INPP4B: variants seen among roughly 807,000 people sequenced by gnomAD.
INPP4B encodes inositol polyphosphate-4-phosphatase type II B, also known as inositol polyphosphate 4-phosphatase type II.
In INPP4B, 55 loss-of-function variants were observed where a neutral mutation model predicts 122.5. That is an observed-to-expected ratio of 0.45 (90% CI 0.36 to 0.56). The LOEUF is 0.56. Among genes scored for constraint, INPP4B ranks in the 20% least tolerant of loss-of-function variants. The pLI is 0.00. For synonymous variants in INPP4B, 403 were observed against 388.7 expected, an observed-to-expected ratio of 1.04 and a Z score of -0.43; for missense variants, 1,000 against 1,097.7, an observed-to-expected ratio of 0.91 and a Z score of 1.26.
intron 1 of INPP4B, among the ~76,000 whole-genome samples, chr4:142,770,749 G>T (rs181005581): frequency 2.0e-5 from 3 of 152,018 alleles, no homozygotes; most frequent in Non-Finnish European, 4.4e-5. Flanking sequence ...CATCTGTGCC[G>T]CATTCTCTGA....
intron 5 of INPP4B, among the ~76,000 whole-genome samples, chr4:142,411,118 T>C (rs1175179662): frequency 1.3e-5 from 2 of 152,342 alleles, no homozygotes; most frequent in African/African-American, 4.8e-5. Context: ...AATTTTCACC[T>C]CTAATGAGGT....
At chr4:142,709,690 TA>T (rs1234021885) in intron 2 of INPP4B, among the ~76,000 whole-genome samples, 1 of 152,184 alleles carries the variant, frequency 6.6e-6, no homozygotes, top group Non-Finnish European at 1.5e-5. Context: ...ATAAGCCAAT[TA>T]AACCTCCTCC....
chr4:142,188,625 G>A (rs1022551401), intron 15 of INPP4B, among the ~76,000 whole-genome samples: 3 of 150,132 alleles, frequency 2.0e-5, no homozygotes, highest in Admixed American at 6.7e-5. Context: ...TCTAAGTGGA[G>A]TCTAGGGATC....
intron 9 of INPP4B, among the ~76,000 whole-genome samples, chr4:142,279,032 T>C (rs1749960162): frequency 6.6e-6 from 1 of 151,858 alleles, no homozygotes; most frequent in East Asian, 1.9e-4. Flanking sequence ...CAATTAGAAA[T>C]TGAAATTTTA....
intron 16 of INPP4B, among the ~76,000 whole-genome samples, chr4:142,165,172 A>G (rs1399356228): frequency 6.6e-6 from 1 of 151,734 alleles, no homozygotes; most frequent in Non-Finnish European, 1.5e-5. Context: ...GCTGAACTCA[A>G]GATTTTGTTG....
intron 2 of INPP4B, among the ~76,000 whole-genome samples, chr4:142,671,589 C>T (rs1344089884): frequency 6.6e-6 from 1 of 151,944 alleles, no homozygotes; most frequent in Non-Finnish European, 1.5e-5. Flanking sequence ...GTCCAGAAAC[C>T]AAGGGATAAA....
At chr4:142,220,392 C>T (rs768304878) in intron 12 of INPP4B, among the ~76,000 whole-genome samples, 6 of 152,128 alleles carry the variant, frequency 3.9e-5, no homozygotes, top group African/African-American at 1.4e-4. Flanking sequence ...ACCAACATAA[C>T]AAAATTTTTA....
At chr4:142,173,925 G>T in intron 15 of INPP4B, 116 bp from the exon 16 acceptor site, 1 of 858,608 alleles carries the variant, frequency 1.2e-6, no homozygotes, top group South Asian at 1.5e-5. Context: ...CTATTGATAA[G>T]AACTGTCCTA....
chr4:142,028,503 A>G lies in INPP4B; in HGVS notation c.*279T>C, dbSNP rs2152253154. ...GAAACATTTAAATACTCATGAATGA[A>G]ATTTACACTTTGTGAACCAATCTCA... On this transcript the variant is annotated 3_prime_UTR_variant, in exon 26 of 26. Coordinates refer to ENST00000262992, the MANE Select transcript of INPP4B (RefSeq NM_001101669.3). 4 of 380,728 alleles carry G rather than the reference A, an allele frequency of 1.1e-5. No individual in the cohort carries two copies. In the South Asian group the frequency reaches 2.2e-4, roughly 21 times the overall value. The allele number at this position is 380,728 out of a possible 1,614,324, so 23.6% of individuals were successfully genotyped here.
chr4:142,636,900 GACA>G (rs1381970134), intron 2 of INPP4B, among the ~76,000 whole-genome samples: 2 of 151,670 alleles, frequency 1.3e-5, no homozygotes, highest in African/African-American at 2.4e-5. Flanking sequence ...GGCTACAATT[GACA>G]ACAACTTTTT....
chr4:142,406,986 T>G (rs1378433308), intron 5 of INPP4B, among the ~76,000 whole-genome samples: 1 of 152,082 alleles, frequency 6.6e-6, no homozygotes, highest in Non-Finnish European at 1.5e-5. Context: ...CACCTCTCTT[T>G]GGAAGACCCA....
chr4:142,458,261 C>T (rs1424014021), intron 3 of INPP4B, among the ~76,000 whole-genome samples: 1 of 151,926 alleles, frequency 6.6e-6, no homozygotes, highest in Non-Finnish European at 1.5e-5. Context: ...AGAAAAAGTC[C>T]AGTAAGTAAG....
At chr4:142,614,011 G>A (rs951599811) in intron 2 of INPP4B, among the ~76,000 whole-genome samples, 4 of 152,114 alleles carry the variant, frequency 2.6e-5, no homozygotes, top group Non-Finnish European at 5.9e-5. Flanking sequence ...TTATAGGAAC[G>A]GGTAGCAAAT....
At chr4:142,223,872 T>C (rs1462340179) in intron 12 of INPP4B, among the ~76,000 whole-genome samples, 2 of 152,172 alleles carry the variant, frequency 1.3e-5, no homozygotes, top group Admixed American at 6.5e-5. Flanking sequence ...TCTTTGTTCT[T>C]AGAGCAAGCA....
intron 11 of INPP4B, among the ~76,000 whole-genome samples, chr4:142,240,458 AC>A (rs1858805394): frequency 6.6e-6 from 1 of 152,146 alleles, no homozygotes. Context: ...TCCTGTAACT[AC>A]CAGGTACACA....
intron 1 of INPP4B, among the ~76,000 whole-genome samples, chr4:142,727,404 G>A (rs953186446): frequency 8.5e-5 from 13 of 152,156 alleles, no homozygotes; most frequent in African/African-American, 3.1e-4. Flanking sequence ...GCAGACTGAA[G>A]AAACCACAGC....
intron 2 of INPP4B, among the ~76,000 whole-genome samples, chr4:142,584,721 T>A (rs1735799708): frequency 6.6e-6 from 1 of 152,136 alleles, no homozygotes; most frequent in Non-Finnish European, 1.5e-5. Flanking sequence ...ACTCTAAAGT[T>A]ATCCTTCTTT....
chr4:142,134,716 G>A (rs1433285191), intron 18 of INPP4B, among the ~76,000 whole-genome samples: 1 of 144,572 alleles, frequency 6.9e-6, no homozygotes, highest in Non-Finnish European at 1.5e-5. Context: ...AGAATCACTT[G>A]AACCTGGGGG....
At chr4:142,556,932 C>T (rs778855243) in intron 2 of INPP4B, among the ~76,000 whole-genome samples, 1 of 152,148 alleles carries the variant, frequency 6.6e-6, no homozygotes, top group South Asian at 2.1e-4. Context: ...CTGGAAGAGG[C>T]TTTATCTTCT....
Sources: allele counts gnomAD v4.1 joint callset (sites outside exome capture counted in the v4.1 genomes callset), GRCh38; gene constraint gnomAD v4.1.1; transcripts MANE v1.5; gene names NCBI Gene and HGNC (gene_info 2026-07-23, HGNC 2026-07-21).